The following ACTN2 variants were observed in gnomAD, a reference collection of about 807,000 sequenced individuals.
The protein encoded by ACTN2 is alpha-actinin-2.
Under a neutral mutation model 113.8 loss-of-function variants are expected in ACTN2, and 39 were observed. The observed-to-expected ratio is 0.34, with a 90% CI of 0.27 to 0.45. ACTN2 has a LOEUF of 0.45. Ranked by LOEUF, ACTN2 falls within the 20% of genes least tolerant of loss-of-function variation. The pLI is 1.00. For missense variants in ACTN2, 992 were observed against 1,177.9 expected, an observed-to-expected ratio of 0.84 and a Z score of 2.31; for synonymous variants, 429 against 444.1, an observed-to-expected ratio of 0.97 and a Z score of 0.43.
At chr1:236,760,964 T>G in intron 19 of ACTN2, 51 bp from the exon 20 acceptor site, 1 of 1,612,268 alleles carries the variant, frequency 6.2e-7, no homozygotes, top group Non-Finnish European at 8.5e-7. Flanking sequence ...AACGGCTCTG[T>G]TGAGAGTTGT....
intron 11 of ACTN2, among the ~76,000 whole-genome samples, chr1:236,743,473 A>G (rs1334963039): frequency 2.6e-5 from 4 of 152,156 alleles, no homozygotes; most frequent in Non-Finnish European, 5.9e-5. Flanking sequence ...GATGCAAGAT[A>G]TCATGTATAA....
chr1:236,759,481 G>A (rs1659641830), intron 18 of ACTN2, among the ~76,000 whole-genome samples: 3 of 152,228 alleles, frequency 2.0e-5, no homozygotes, highest in Admixed American at 1.3e-4. Flanking sequence ...CTGTTTTCTT[G>A]AGTGTGTGGT....
In ACTN2 at chr1:236,754,957, G is replaced by A. The variant is rs547013558; in HGVS notation, c.1975-62G>A. ...AGGGTCTGGAACGGCGCCTCGTGCC[G>A]AGCTCCCTTAGAGGGCACTTCACTC... On this transcript the variant is annotated intron_variant, in intron 16 of 20. Coordinates refer to ENST00000366578, the MANE Select transcript of ACTN2 (RefSeq NM_001103.4). This position sits in a 1 kb window ranked among gnomAD's most constrained non-coding sequence, Gnocchi z 4.9. 34 of 1,606,380 alleles carry A rather than the reference G, an allele frequency of 2.1e-5. No homozygotes were observed. Among genetic ancestry groups the A allele is most frequent in the East Asian group, 2.0e-4 (9 of 44,846 alleles).
chr1:236,744,211 G>A (rs1659156263), intron 11 of ACTN2, among the ~76,000 whole-genome samples: 1 of 152,186 alleles, frequency 6.6e-6, no homozygotes, highest in African/African-American at 2.4e-5. Context: ...AGGAACTAGG[G>A]TGGGGTAGGA....
At chr1:236,752,860 T>C (rs1253915817) in intron 15 of ACTN2, among the ~76,000 whole-genome samples, 2 of 152,198 alleles carry the variant, frequency 1.3e-5, no homozygotes, top group Non-Finnish European at 2.9e-5. Context: ...GGCAGAAATA[T>C]ATCATTTTTT....
chr1:236,751,767 G>T (rs961972329), intron 15 of ACTN2, 115 bp downstream of exon 15: 49 of 1,288,128 alleles, frequency 3.8e-5, no homozygotes, highest in Non-Finnish European at 5.0e-5. Flanking sequence ...ATCATGATCA[G>T]GATTTTCCTT....
chr1:236,746,898 A>C (rs1659253899), intron 12 of ACTN2, among the ~76,000 whole-genome samples: 1 of 152,176 alleles, frequency 6.6e-6, no homozygotes, highest in Non-Finnish European at 1.5e-5. Context: ...CCCATTTCAG[A>C]AATCCCGCTA....
intron 12 of ACTN2, among the ~76,000 whole-genome samples, chr1:236,745,516 T>G (rs748988948): frequency 6.6e-6 from 1 of 152,230 alleles, no homozygotes; most frequent in Non-Finnish European, 1.5e-5. Flanking sequence ...GACCCCACTT[T>G]GCTTTATCAT....
chr1:236,725,193 T>G (rs1380810632), intron 4 of ACTN2, among the ~76,000 whole-genome samples: 1 of 152,216 alleles, frequency 6.6e-6, no homozygotes, highest in African/African-American at 2.4e-5. Context: ...TGCTAGTACT[T>G]TCAGGATGCA....
intron 1 of ACTN2, among the ~76,000 whole-genome samples, chr1:236,701,486 G>A (rs1657673931): frequency 1.3e-5 from 2 of 152,188 alleles, no homozygotes; most frequent in Admixed American, 1.3e-4. Flanking sequence ...TGACTGGAGG[G>A]CTGTGGGGCC....
At chr1:236,699,352 T>C (rs1405450398) in intron 1 of ACTN2, among the ~76,000 whole-genome samples, 1 of 152,188 alleles carries the variant, frequency 6.6e-6, no homozygotes, top group Admixed American at 6.5e-5. Flanking sequence ...ATGGTCCATA[T>C]TGTCATTCCA....
At chr1:236,719,099 C>T in intron 3 of ACTN2, 86 bp downstream of exon 3, 2 of 1,574,730 alleles carry the variant, frequency 1.3e-6, no homozygotes, top group Non-Finnish European at 8.7e-7. Context: ...CCCTTCTTCC[C>T]TCCCTTTCAC....
intron 1 of ACTN2, among the ~76,000 whole-genome samples, chr1:236,703,005 T>TG (rs1266035008): frequency 3.9e-5 from 6 of 152,202 alleles, no homozygotes; most frequent in African/African-American, 1.4e-4. Flanking sequence ...CTTCCCCAGT[T>TG]GCCGGATGGG....
chr1:236,751,240 A>G (rs1659385914), intron 14 of ACTN2, among the ~76,000 whole-genome samples: 1 of 152,184 alleles, frequency 6.6e-6, no homozygotes, highest in Non-Finnish European at 1.5e-5. Context: ...AAGACTCTAC[A>G]TGAATAGCCA....
At chr1:236,711,134 T>C (rs1461052027) in intron 1 of ACTN2, among the ~76,000 whole-genome samples, 1 of 152,186 alleles carries the variant, frequency 6.6e-6, no homozygotes, top group Non-Finnish European at 1.5e-5. Context: ...GTGGAGAGCA[T>C]CTGCACCCAC....
intron 7 of ACTN2, among the ~76,000 whole-genome samples, chr1:236,735,111 T>C (rs984962575): frequency 6.6e-6 from 1 of 152,224 alleles, no homozygotes; most frequent in Admixed American, 6.5e-5. Context: ...CCCTCTCCAG[T>C]GAATTTCATC....
chr1:236,731,739 A>G (rs1377008057), intron 7 of ACTN2, among the ~76,000 whole-genome samples: 1 of 152,224 alleles, frequency 6.6e-6, no homozygotes, highest in African/African-American at 2.4e-5. Flanking sequence ...TCCAGCCAGA[A>G]GTTAGAGAAT....
intron 9 of ACTN2, 111 bp from the exon 10 acceptor site, chr1:236,739,191 A>C: frequency 8.7e-7 from 1 of 1,151,250 alleles, no homozygotes; most frequent in Non-Finnish European, 1.3e-6. Context: ...CATCTCAGTG[A>C]TTTTAGGAAC....
At chr1:236,755,644 G>C (rs1369540828) in intron 17 of ACTN2, among the ~76,000 whole-genome samples, 1 of 146,384 alleles carries the variant, frequency 6.8e-6, no homozygotes, top group Non-Finnish European at 1.5e-5. Flanking sequence ...ATACTGCAGA[G>C]TGCCCACTGC....
Sources: allele counts gnomAD v4.1 joint callset (sites outside exome capture counted in the v4.1 genomes callset), GRCh38; gene constraint gnomAD v4.1.1; non-coding constraint Gnocchi (gnomAD v3.1); transcripts MANE v1.5; gene names NCBI Gene and HGNC (gene_info 2026-07-23, HGNC 2026-07-21).